Variants in CNN3 observed in about 807,000 individuals in gnomAD.
The protein encoded by CNN3 is calponin-3.
CNN3 carries 11 observed loss-of-function variants against 39.0 expected under a neutral mutation model. The ratio of observed to expected loss-of-function variants is 0.28; its 90% CI spans 0.18 to 0.47. The LOEUF (loss-of-function observed/expected upper bound fraction) is 0.47. Among genes scored for constraint, CNN3 ranks in the 20% least tolerant of loss-of-function variants. The pLI is 0.99. For missense variants in CNN3, 266 were observed against 403.4 expected (o/e 0.66, Z 2.92); for synonymous variants, 101 against 138.3 (o/e 0.73, Z 1.89).
chr1:94,910,455 T>C (rs1274035263), intron 1 of CNN3, among the ~76,000 whole-genome samples: 2 of 141,820 alleles, frequency 1.4e-5, no homozygotes, highest in African/African-American at 5.0e-5. Flanking sequence ...AGGAACCAAA[T>C]AGATTTCCAT....
At position 94,897,987 on chromosome 1, in the gene CNN3, T is replaced by C. The variant is rs779415213; in HGVS notation, c.745A>G (p.Thr249Ala). The C allele has an allele frequency of 1.9e-6, 3 of 1,614,160 alleles. No individual in the cohort carries two copies. The highest frequency in any genetic ancestry group is 2.5e-6 in the Non-Finnish European group (3 of 1,180,008). The change falls in exon 7 of 7, where the codon ACC becomes GCC. Residue 249 changes from threonine (T) to alanine (A), a missense_variant. Coordinates refer to ENST00000370206, the MANE Select transcript of CNN3 (RefSeq NM_001839.5). Reference sequence around the variant, plus strand: ...CCTTTCTGGGAAGCAACTTTGTTGGTACCCATCTGTAGGGAAATTGTCGAG... The same window carrying C: ...CCTTTCTGGGAAGCAACTTTGTTGGCACCCATCTGTAGGGAAATTGTCGAG... ...DNSTISLQMGTNKVASQKGMS... is the reference protein window; with the variant it reads ...DNSTISLQMGANKVASQKGMS...
intron 5 of CNN3, 37 bp downstream of exon 5, chr1:94,901,632 G>A (rs747729628): frequency 7.3e-7 from 1 of 1,371,946 alleles, no homozygotes. Context: ...TAATCATATT[G>A]AATAAGTAAT....
intron 1 of CNN3, among the ~76,000 whole-genome samples, chr1:94,903,981 A>G (rs1426473898): frequency 6.6e-6 from 1 of 152,202 alleles, no homozygotes; most frequent in African/African-American, 2.4e-5. Flanking sequence ...TGTTGACTGG[A>G]AAGTTCTGGT....
intron 1 of CNN3, among the ~76,000 whole-genome samples, chr1:94,910,464 A>T (rs1671130496): frequency 7.2e-6 from 1 of 138,342 alleles, no homozygotes; most frequent in African/African-American, 2.5e-5. Flanking sequence ...ATAGATTTCC[A>T]TCTCAAGTAT....
At chr1:94,899,036 T>C (rs993694571) in intron 6 of CNN3, among the ~76,000 whole-genome samples, 1 of 152,024 alleles carries the variant, frequency 6.6e-6, no homozygotes, top group Non-Finnish European at 1.5e-5. Context: ...TAATTTTACC[T>C]ATTAATTAAG....
chr1:94,917,966 C>T (rs1671325974), intron 1 of CNN3, among the ~76,000 whole-genome samples: 1 of 152,160 alleles, frequency 6.6e-6, no homozygotes, highest in East Asian at 1.9e-4. Context: ...AAGTCTTTTC[C>T]ATCATTGGAT....
chr1:94,905,015 C>A (rs1314895522), intron 1 of CNN3, among the ~76,000 whole-genome samples: 1 of 152,052 alleles, frequency 6.6e-6, no homozygotes, highest in Non-Finnish European at 1.5e-5. Context: ...CCCACAAGTT[C>A]CAGTCTACAC....
chr1:94,901,309 G>T (rs557676220), intron 5 of CNN3, among the ~76,000 whole-genome samples: 5 of 150,318 alleles, frequency 3.3e-5, no homozygotes, highest in African/African-American at 1.2e-4. Flanking sequence ...AGCCGAGATC[G>T]CGTCACTGCA....
At position 94,926,654 on chromosome 1, in the gene CNN3, A is replaced by T. The variant is rs2101747570; in HGVS notation, c.57+184T>A. Among the ~76,000 whole-genome samples, 1 of 152,184 alleles carries T rather than the reference A, an allele frequency of 6.6e-6. No individual in the cohort carries two copies. The highest frequency in any genetic ancestry group is 1.9e-4 in the East Asian group (1 of 5,140). On this transcript the variant is annotated intron_variant, in intron 1 of 6. Coordinates refer to ENST00000370206, the MANE Select transcript of CNN3 (RefSeq NM_001839.5). This position sits in a 1 kb window ranked among gnomAD's most constrained non-coding sequence, Gnocchi z 4.2. The stretch of plus-strand genomic sequence containing the variant: ...GAACAAAGCCAGGCGGGTGCCCGGG[A>T]GCCGGCCCCGCAAGCCCGGGGACTG...
At chr1:94,905,985 A>T (rs1405774676) in intron 1 of CNN3, among the ~76,000 whole-genome samples, 7 of 152,076 alleles carry the variant, frequency 4.6e-5, no homozygotes, top group Non-Finnish European at 1.0e-4. Context: ...CACATTTTTT[A>T]AAAATATTTT....
intron 1 of CNN3, among the ~76,000 whole-genome samples, chr1:94,920,843 C>T (rs1220091105): frequency 6.6e-6 from 1 of 152,030 alleles, no homozygotes; most frequent in Non-Finnish European, 1.5e-5. Context: ...TAATGAGGAC[C>T]CCCAAATTGT....
Position 94,902,187 on chromosome 1 carries a change from T to C in CNN3, c.318A>G (p.Ala106=). 1 of 1,613,654 alleles carries C rather than the reference T, an allele frequency of 6.2e-7. No homozygotes were observed. The highest frequency in any genetic ancestry group is 8.5e-7 in the Non-Finnish European group (1 of 1,179,494). Residue 106 remains alanine (A), a synonymous_variant, in exon 4 of 7, where the codon GCA becomes GCG. Coordinates refer to ENST00000370206, the MANE Select transcript of CNN3 (RefSeq NM_001839.5). The part of the protein sequence containing the change: ...YGMKPHDIFE[A]NDLFENGNMT... The stretch of plus-strand genomic sequence containing the variant: ...TGTTTCCATTCTCAAAAAGATCATT[T>C]GCTTCGAATATGTCATGTGGCTTCA...
chr1:94,908,633 C>G (rs144297161), intron 1 of CNN3, among the ~76,000 whole-genome samples: 2 of 152,148 alleles, frequency 1.3e-5, no homozygotes, highest in East Asian at 3.9e-4. Flanking sequence ...CTCCACCTCC[C>G]GGGTTCAAGC....
At chr1:94,925,936 G>T in intron 1 of CNN3, 1 of 523,548 alleles carries the variant, frequency 1.9e-6, no homozygotes, top group Non-Finnish European at 2.4e-6. Flanking sequence ...GGAAGGAGAG[G>T]ATTTGGGGAG....
At chr1:94,918,319 C>A (rs1332477713) in intron 1 of CNN3, among the ~76,000 whole-genome samples, 1 of 151,734 alleles carries the variant, frequency 6.6e-6, no homozygotes, top group Admixed American at 6.6e-5. Flanking sequence ...ATAGTGAAAC[C>A]CCGACTGTAC....
At position 94,923,797 on chromosome 1, in the gene CNN3, A is replaced by G. The variant is rs188182037; in HGVS notation, c.57+3041T>C. ...ACTAAAAACTAATTTTCTGTTACTAAGAGCTAATAGCTACAATACAGTCAC... is the reference window on the plus strand; with the variant it reads ...ACTAAAAACTAATTTTCTGTTACTAGGAGCTAATAGCTACAATACAGTCAC... On this transcript the variant is annotated intron_variant, in intron 1 of 6. Coordinates refer to ENST00000370206, the MANE Select transcript of CNN3 (RefSeq NM_001839.5). Among the ~76,000 whole-genome samples, 20 of 152,366 alleles carry G rather than the reference A, an allele frequency of 1.3e-4. No individual in the cohort carries two copies. In the East Asian group the frequency reaches 1.7e-3, roughly 13 times the overall value.
At chr1:94,905,207 G>A (rs9432407) in intron 1 of CNN3, among the ~76,000 whole-genome samples, 11,399 of 152,102 alleles carry the variant, frequency 0.075, 656 homozygotes, top group African/African-American at 0.16. Flanking sequence ...GAAAACCAAC[G>A]CTGAGTCTTA....
chr1:94,905,991 ATTTT>A (rs1015916446), intron 1 of CNN3, among the ~76,000 whole-genome samples: 2 of 151,578 alleles, frequency 1.3e-5, no homozygotes, highest in African/African-American at 4.8e-5. Flanking sequence ...TTTTAAAAAT[ATTTT>A]TTTTTGAGAT....
At chr1:94,915,891 C>T (rs936749539) in intron 1 of CNN3, among the ~76,000 whole-genome samples, 14 of 152,190 alleles carry the variant, frequency 9.2e-5, no homozygotes, top group African/African-American at 3.1e-4. Context: ...TTCTCCACAT[C>T]AGTGCTGCGT....
Sources: allele counts gnomAD v4.1 joint callset (sites outside exome capture counted in the v4.1 genomes callset), GRCh38; gene constraint gnomAD v4.1.1; non-coding constraint Gnocchi (gnomAD v3.1); transcripts MANE v1.5; gene names NCBI Gene and HGNC (gene_info 2026-07-23, HGNC 2026-07-21).